PGAP4: variants seen among roughly 807,000 people sequenced by gnomAD.
PGAP4 encodes post-GPI attachment to proteins GalNAc transferase 4.
A neutral mutation model predicts 28.2 loss-of-function variants in PGAP4; 12 were observed. That is an observed-to-expected ratio of 0.42 (90% CI 0.27 to 0.69). The LOEUF (loss-of-function observed/expected upper bound fraction) is 0.69. Among genes scored for constraint, PGAP4 ranks in the 30% least tolerant of loss-of-function variants. The probability of loss-of-function intolerance (pLI) is 0.22; values close to 1 mark genes in which losing one functional copy is unlikely to be tolerated. For missense variants in PGAP4, 425 were observed against 513.5 expected, an observed-to-expected ratio of 0.83 and a Z score of 1.67; for synonymous variants, 205 against 211.8, an observed-to-expected ratio of 0.97 and a Z score of 0.28.
At chr9:101,527,069 T>G (rs1214153101) in intron 2 of PGAP4, among the ~76,000 whole-genome samples, 2 of 152,204 alleles carry the variant, frequency 1.3e-5, no homozygotes, top group African/African-American at 4.8e-5. Context: ...AGCATGTGCA[T>G]ATTTAAGATC....
chr9:101,477,211 A>AAAACAAAC (rs71356363), intron 1 of PGAP4, 42 bp from the exon 2 acceptor site: 369,349 of 1,233,534 alleles, frequency 0.3, 63,374 homozygotes, highest in African/African-American at 0.66. Flanking sequence ...GTAACTTAAA[A>AAAACAAAC]AAACAAACAA....
chr9:101,492,540 C>A (rs950962187), intron 2 of PGAP4, among the ~76,000 whole-genome samples: 1 of 152,144 alleles, frequency 6.6e-6, no homozygotes, highest in African/African-American at 2.4e-5. Context: ...TTGGTTAAGA[C>A]TGGACATTGT....
rs113166907 is a variant in PGAP4, at chr9:101,478,280, A to G, written c.-77-1111T>C. ...TCTGATGGAAAACAGACTAGTGCCA[A>G]AAAACAGAATGAAAAGGGCAAAGCC... On this transcript the variant is annotated intron_variant, in intron 1 of 1. Transcript: ENST00000374848. Among the ~76,000 whole-genome samples the G allele has an allele frequency of 1.6e-4, 24 of 152,360 alleles. 1 individual carries two copies. The highest frequency in any genetic ancestry group is 5.1e-4 in the African/African-American group (21 of 41,572).
rs759965580 is a variant in PGAP4 at position 101,476,421 on chromosome 9, C to T, written c.672G>A (p.Leu224=). 1.2e-6 allele frequency: 2 copies of T among 1,613,940 alleles called. No individual in the cohort carries two copies. Among genetic ancestry groups the T allele is most frequent in the East Asian group, 2.2e-5 (1 of 44,874 alleles). ...AVPEEQIFPV[L]EHLLRARFSE... is the part of the protein sequence containing the mutation. ...AGAAGCGAGCCCGCAGAAGGTGCTC[C>T]AAGACTGGGAAGATCTGCTCTTCTG... Residue 224 remains leucine (L), a synonymous_variant, in exon 2 of 2, where the codon TTG becomes TTA. Coordinates refer to ENST00000374848, the MANE Select transcript of PGAP4 (RefSeq NM_032342.3). This position sits in a 1 kb window ranked among gnomAD's most constrained non-coding sequence, Gnocchi z 7.0.
At chr9:101,520,287 T>C (rs1206491603) in intron 2 of PGAP4, among the ~76,000 whole-genome samples, 1 of 152,296 alleles carries the variant, frequency 6.6e-6, no homozygotes, top group African/African-American at 2.4e-5. Flanking sequence ...CATTGAATTG[T>C]TAGATTGCTT....
At chr9:101,530,463 G>A (rs548163075) in intron 2 of PGAP4, among the ~76,000 whole-genome samples, 58 of 152,218 alleles carry the variant, frequency 3.8e-4, no homozygotes, top group Admixed American at 1.7e-3. Context: ...TTATGTTTTT[G>A]ATACAAGCAA....
At chr9:101,502,806 G>A (rs1826815044) in intron 2 of PGAP4, among the ~76,000 whole-genome samples, 1 of 152,034 alleles carries the variant, frequency 6.6e-6, no homozygotes, top group South Asian at 2.1e-4. Context: ...CTTCAGAAAA[G>A]AACATCTATA....
intron 2 of PGAP4, among the ~76,000 whole-genome samples, chr9:101,509,825 C>A (rs558841239): frequency 6.6e-6 from 1 of 152,146 alleles, no homozygotes; most frequent in South Asian, 2.1e-4. Flanking sequence ...GAAGCAACCT[C>A]TTGGACCCTA....
intron 2 of PGAP4, among the ~76,000 whole-genome samples, chr9:101,513,919 C>A (rs1298989038): frequency 1.3e-5 from 2 of 152,024 alleles, no homozygotes; most frequent in African/African-American, 4.8e-5. Flanking sequence ...CCTGGAGTTC[C>A]AAATCTGGAG....
intron 1 of PGAP4, among the ~76,000 whole-genome samples, chr9:101,479,458 A>G (rs1826420055): frequency 6.6e-6 from 1 of 152,248 alleles, no homozygotes; most frequent in Admixed American, 6.5e-5. Flanking sequence ...AGTAAAGGCT[A>G]TCACTTACTA....
In PGAP4 at chr9:101,476,223, G is replaced by C; in HGVS notation, c.870C>G (p.Ser290Arg). 1 of 1,614,190 alleles carries C rather than the reference G, an allele frequency of 6.2e-7. No individual in the cohort carries two copies. The highest frequency in any genetic ancestry group is 8.5e-7 in the Non-Finnish European group (1 of 1,180,040). The change falls in exon 2 of 2, where the codon AGC becomes AGG. Residue 290 changes from serine (S) to arginine (R), a missense_variant. By Grantham distance (110) the Ser-to-Arg change is moderately radical (BLOSUM62 -1). Coordinates refer to ENST00000374848, the MANE Select transcript of PGAP4 (RefSeq NM_032342.3). This position sits in a 1 kb window ranked among gnomAD's most constrained non-coding sequence, Gnocchi z 7.0. ...YMRFASRPGF[S>R]WPVMLFFSLY... The stretch of plus-strand genomic sequence containing the variant: ...GGGAGAAGAAGAGCATTACAGGCCA[G>C]CTAAACCCTGGGCGGCTGGCAAACC...
intron 2 of PGAP4, among the ~76,000 whole-genome samples, chr9:101,510,079 T>C (rs1444738341): frequency 2.6e-5 from 4 of 152,224 alleles, no homozygotes; most frequent in Non-Finnish European, 5.9e-5. Flanking sequence ...CTCATCAACC[T>C]GGATTGTGTA....
At chr9:101,527,807 A>C (rs561131978) in intron 2 of PGAP4, among the ~76,000 whole-genome samples, 6 of 152,350 alleles carry the variant, frequency 3.9e-5, no homozygotes, top group African/African-American at 1.4e-4. Context: ...ATTTAATGTG[A>C]GACACTTGAT....
chr9:101,514,872 T>C (rs2118616482), intron 2 of PGAP4, among the ~76,000 whole-genome samples: 1 of 152,280 alleles, frequency 6.6e-6, no homozygotes. Flanking sequence ...ATGTGGTATG[T>C]ATATAGGATC....
chr9:101,492,718 A>AT (rs1826702009), intron 2 of PGAP4, among the ~76,000 whole-genome samples: 2 of 151,558 alleles, frequency 1.3e-5, no homozygotes, highest in African/African-American at 2.4e-5. Context: ...TCAGCTTCTG[A>AT]TTTTTTAGAC....
intron 2 of PGAP4, among the ~76,000 whole-genome samples, chr9:101,503,863 T>A (rs1430741098): frequency 6.6e-6 from 1 of 152,108 alleles, no homozygotes; most frequent in Non-Finnish European, 1.5e-5. Context: ...TGTTCTGTTC[T>A]GCTTTTAAAA....
rs375552016 is a variant in PGAP4 at position 101,530,316 on chromosome 9, T to TA, written c.-165+1031dup. 3.9e-3 allele frequency among the ~76,000 whole-genome samples: 593 copies of TA among 152,258 alleles called. 2 individuals carry two copies. The highest frequency in any genetic ancestry group is 0.014 in the African/African-American group (566 of 41,544). ...TATGCCACCTTGTGGCAGAATTGGG[T>TA]AGTTAATGAAGACCGGCTGGAGGTC... On this transcript the variant is annotated intron_variant, in intron 2 of 3. Transcript: ENST00000374851.
At chr9:101,509,576 G>A (rs1238754836) in intron 2 of PGAP4, among the ~76,000 whole-genome samples, 2 of 152,124 alleles carry the variant, frequency 1.3e-5, no homozygotes, top group Non-Finnish European at 2.9e-5. Flanking sequence ...TATAAGAGAA[G>A]GCCTGTGTGC....
chr9:101,489,091 G>T (rs945142266), upstream of PGAP4: 1 of 152,082 alleles, frequency 6.6e-6, no homozygotes, highest in Non-Finnish European at 1.5e-5. Flanking sequence ...AACCCCATGA[G>T]ACAGGTAAGC....
Sources: gnomAD v4.1 joint callset for allele counts (sites outside exome capture counted in the v4.1 genomes callset) on GRCh38, gnomAD v4.1.1 for gene constraint, Gnocchi (gnomAD v3.1) non-coding constraint, MANE v1.5 for transcripts, NCBI Gene and HGNC (gene_info 2026-07-23, HGNC 2026-07-21) for gene names.